The following COL5A2 variants were observed in gnomAD, a reference collection of about 807,000 sequenced individuals.
COL5A2 encodes the protein collagen alpha-2(V) chain.
Under a neutral mutation model 208.2 loss-of-function variants are expected in COL5A2, and 23 were observed. The observed-to-expected ratio is 0.11, with a 90% confidence interval of 0.08 to 0.16. COL5A2 has a LOEUF of 0.16. Ranked by LOEUF, COL5A2 falls within the 10% of genes least tolerant of loss-of-function variation. COL5A2 has a pLI of 1.00. For missense variants in COL5A2, 1,590 were observed against 1,956.4 expected (o/e 0.81, Z 3.53); for synonymous variants, 625 against 628.5 (o/e 0.99, Z 0.08).
the COL5A2 span, among the ~76,000 whole-genome samples, chr2:189,331,670 A>C: frequency 6.6e-6 from 1 of 152,192 alleles, no homozygotes; most frequent in Admixed American, 6.5e-5. Flanking sequence ...AAGTCCATTA[A>C]GCTCTTTTTC....
chr2:189,308,408 G>T, the COL5A2 span, among the ~76,000 whole-genome samples: 113 of 152,188 alleles, frequency 7.4e-4, no homozygotes, highest in Non-Finnish European at 1.3e-3. Context: ...AGCCGGCCCT[G>T]AAAGAAATCA....
the COL5A2 span, among the ~76,000 whole-genome samples, chr2:189,276,647 T>C: frequency 6.6e-6 from 1 of 152,198 alleles, no homozygotes; most frequent in African/African-American, 2.4e-5. Context: ...CTTAAGGCTC[T>C]AGCATTTTAG....
intron 13 of COL5A2, among the ~76,000 whole-genome samples, chr2:189,080,704 T>C (rs1686512842): frequency 6.6e-6 from 1 of 152,148 alleles, no homozygotes; most frequent in Admixed American, 6.6e-5. Flanking sequence ...CCCATTAGCC[T>C]GAAGCTTCAG....
the COL5A2 span, among the ~76,000 whole-genome samples, chr2:189,404,374 C>A: frequency 6.6e-6 from 1 of 152,166 alleles, no homozygotes; most frequent in Non-Finnish European, 1.5e-5. Flanking sequence ...CATCCATATT[C>A]TCCTGTATTG....
At chr2:189,049,506 A>T in intron 43 of COL5A2, 52 bp from the exon 44 acceptor site, 1 of 1,429,374 alleles carries the variant, frequency 7.0e-7, no homozygotes, top group Non-Finnish European at 9.8e-7. Flanking sequence ...GAAGAACGCT[A>T]GTTCCCATAA....
intron 1 of COL5A2, among the ~76,000 whole-genome samples, chr2:189,167,664 ATT>A (rs71020984): frequency 6.4e-5 from 9 of 140,110 alleles, no homozygotes; most frequent in African/African-American, 1.0e-4. Flanking sequence ...GAAAGAAGTG[ATT>A]TTTTTTTTTT....
chr2:189,199,326 C>T (rs2105854889), intron 1 of COL5A2, among the ~76,000 whole-genome samples: 1 of 152,170 alleles, frequency 6.6e-6, no homozygotes, highest in Non-Finnish European at 1.5e-5. Flanking sequence ...GGAGATAGAT[C>T]ATGGAGTAAG....
the COL5A2 span, among the ~76,000 whole-genome samples, chr2:189,347,048 A>G: frequency 1.3e-5 from 2 of 152,196 alleles, no homozygotes; most frequent in African/African-American, 4.8e-5. Flanking sequence ...CCATTCCTCA[A>G]TAACTTCAAG....
chr2:189,114,357 A>G (rs115693809), intron 1 of COL5A2, among the ~76,000 whole-genome samples: 2,641 of 152,288 alleles, frequency 0.017, 66 homozygotes, highest in African/African-American at 0.061. Flanking sequence ...GTTGTACACC[A>G]TATGATTAAG....
chr2:189,036,621 A>T lies in COL5A2; in HGVS notation c.4108T>A (p.Ser1370Thr). Reference sequence around the variant, plus strand: ...AAGTAAACATATTAAATTACCTGAGACCCTCTGTTCATATCAAGACCATAC... The same window carrying T: ...AAGTAAACATATTAAATTACCTGAGTCCCTCTGTTCATATCAAGACCATAC... ...VWYGLDMNRG[S>T]QFAYGDHQSP... Residue 1370 changes from serine to threonine, a missense_variant, in exon 52 of 54, where the codon TCT (serine) becomes ACT (threonine). Coordinates refer to ENST00000374866, the MANE Select transcript of COL5A2 (RefSeq NM_000393.5). The T allele has an allele frequency of 6.2e-7, 1 of 1,610,854 alleles. No individual in the cohort carries two copies. The highest frequency in any genetic ancestry group is 8.5e-7 in the Non-Finnish European group (1 of 1,177,356).
intron 1 of COL5A2, among the ~76,000 whole-genome samples, chr2:189,145,435 C>T (rs1340031270): frequency 6.6e-6 from 1 of 152,010 alleles, no homozygotes; most frequent in Non-Finnish European, 1.5e-5. Context: ...TACAACTAAG[C>T]TTAAAATATA....
intron 7 of COL5A2, among the ~76,000 whole-genome samples, chr2:189,089,141 C>T (rs1392158041): frequency 2.0e-5 from 3 of 152,182 alleles, no homozygotes; most frequent in Non-Finnish European, 4.4e-5. Flanking sequence ...AACATCTAAA[C>T]AAAGCCTAAA....
the COL5A2 span, among the ~76,000 whole-genome samples, chr2:189,405,906 G>A: frequency 1.3e-5 from 2 of 152,094 alleles, no homozygotes; most frequent in Admixed American, 6.6e-5. Context: ...TTTGTTTTAG[G>A]CTAATAAATT....
At chr2:189,329,207 T>C in the COL5A2 span, among the ~76,000 whole-genome samples, 1 of 152,120 alleles carries the variant, frequency 6.6e-6, no homozygotes, top group African/African-American at 2.4e-5. Context: ...CTATGGTAAG[T>C]GAAATAAGCC....
the COL5A2 span, among the ~76,000 whole-genome samples, chr2:189,247,305 T>C: frequency 6.6e-6 from 1 of 152,200 alleles, no homozygotes; most frequent in Non-Finnish European, 1.5e-5. Context: ...TTTTAAAATG[T>C]ACATTAATAC....
upstream of COL5A2, among the ~76,000 whole-genome samples, chr2:189,182,539 G>A (rs1212722208): frequency 2.0e-5 from 3 of 151,946 alleles, no homozygotes; most frequent in African/African-American, 4.8e-5. Flanking sequence ...TCCCCAGGAG[G>A]AGCCTATTTC....
chr2:189,384,445 AT>A, the COL5A2 span, among the ~76,000 whole-genome samples: 1 of 152,126 alleles, frequency 6.6e-6, no homozygotes, highest in Non-Finnish European at 1.5e-5. Context: ...GATAAAAGCC[AT>A]TTTAACTAGG....
At chr2:189,312,390 C>A in the COL5A2 span, among the ~76,000 whole-genome samples, 4 of 152,194 alleles carry the variant, frequency 2.6e-5, no homozygotes, top group East Asian at 7.7e-4. Flanking sequence ...GCTGGTGGAG[C>A]GGGACATGGA....
chr2:189,346,759 C>T, the COL5A2 span, among the ~76,000 whole-genome samples: 1 of 152,116 alleles, frequency 6.6e-6, no homozygotes, highest in East Asian at 1.9e-4. Flanking sequence ...AGCTACAATG[C>T]CTGAGGTTAG....
Sources: allele counts gnomAD v4.1 joint callset (sites outside exome capture counted in the v4.1 genomes callset), GRCh38; gene constraint gnomAD v4.1.1; transcripts MANE v1.5; gene names NCBI Gene and HGNC (gene_info 2026-07-23, HGNC 2026-07-21).